The following ITPRID1 variants were observed in gnomAD, a reference collection of about 807,000 sequenced individuals.
The protein encoded by ITPRID1 is ITPR interacting domain containing 1.
In ITPRID1, 96 loss-of-function variants were observed where a neutral mutation model predicts 95.4. That is an observed-to-expected ratio of 1.01 (90% CI 0.85 to 1.19). ITPRID1 has a LOEUF of 1.19. ITPRID1 is among the 50% of genes most tolerant of loss of function. ITPRID1 has a pLI of 0.00. For missense variants in ITPRID1, 1,339 were observed against 1,252.9 expected, an observed-to-expected ratio of 1.07 and a Z score of -1.04; for synonymous variants, 510 against 453.6, an observed-to-expected ratio of 1.12 and a Z score of -1.58.
chr7:31,568,093 T>C (rs1052779029), intron 5 of ITPRID1, among the ~76,000 whole-genome samples: 24 of 149,956 alleles, frequency 1.6e-4, no homozygotes, highest in Non-Finnish European at 4.4e-5. Flanking sequence ...GACACTGCAC[T>C]CCAGGCTGGG....
intron 10 of ITPRID1, among the ~76,000 whole-genome samples, chr7:31,612,384 G>A (rs1458476391): frequency 1.3e-5 from 2 of 152,024 alleles, no homozygotes; most frequent in African/African-American, 2.4e-5. Flanking sequence ...TTTTGTGTGT[G>A]TGGGTCATTC....
At chr7:31,600,154 A>G (rs765921609) in intron 10 of ITPRID1, among the ~76,000 whole-genome samples, 2 of 152,246 alleles carry the variant, frequency 1.3e-5, no homozygotes, top group African/African-American at 2.4e-5. Flanking sequence ...TCTAAGAAAT[A>G]CAACTTAAAA....
chr7:31,612,658 A>T (rs1786928933), intron 10 of ITPRID1, among the ~76,000 whole-genome samples: 1 of 151,972 alleles, frequency 6.6e-6, no homozygotes. Flanking sequence ...TATGTCTACC[A>T]CCCTTTTCTG....
chr7:31,539,028 T>C (rs1481824929), intron 1 of ITPRID1, among the ~76,000 whole-genome samples: 2 of 152,232 alleles, frequency 1.3e-5, no homozygotes. Context: ...CATTTCTTTG[T>C]CACATTGAGT....
At chr7:31,618,886 C>G (rs1488023092) in intron 10 of ITPRID1, among the ~76,000 whole-genome samples, 1 of 152,138 alleles carries the variant, frequency 6.6e-6, no homozygotes, top group African/African-American at 2.4e-5. Flanking sequence ...TTGTTGTGCA[C>G]ATTGCATGTT....
At chr7:31,626,009 TTA>T (rs1406542900) in intron 10 of ITPRID1, among the ~76,000 whole-genome samples, 1 of 152,180 alleles carries the variant, frequency 6.6e-6, no homozygotes, top group Non-Finnish European at 1.5e-5. Context: ...TAAAAAAACT[TTA>T]TGACTAACTC....
In ITPRID1 at chr7:31,653,634, TTG is replaced by T. The variant is rs2128221756; in HGVS notation, c.*807_*808del. ...AGGTATTTAGCTTTTAAAAAAATCT[TTG>T]TAGCTATCTCATTTAGAAATAAAAT... On this transcript the variant is annotated 3_prime_UTR_variant, in exon 15 of 15. Transcript: ENST00000615280. The T allele has an allele frequency of 6.6e-6, 1 of 152,314 alleles. No homozygotes were observed. Among genetic ancestry groups the T allele is most frequent in the Admixed American group, 6.5e-5 (1 of 15,294 alleles). The allele number at this position is 152,314 out of a possible 1,614,324, so 9.4% of individuals were successfully genotyped here.
chr7:31,525,446 G>T (rs1454388674), intron 1 of ITPRID1, among the ~76,000 whole-genome samples: 1 of 152,164 alleles, frequency 6.6e-6, no homozygotes, highest in Admixed American at 6.5e-5. Flanking sequence ...ATTGCCAAAG[G>T]TCCCCTTGGG....
intron 10 of ITPRID1, among the ~76,000 whole-genome samples, chr7:31,629,716 G>T (rs1341802028): frequency 6.6e-6 from 1 of 152,126 alleles, no homozygotes; most frequent in Non-Finnish European, 1.5e-5. Context: ...GATAGTGGAG[G>T]TGCATAGTTG....
intron 12 of ITPRID1, among the ~76,000 whole-genome samples, chr7:31,645,597 T>C (rs10268085): frequency 0.78 from 118,102 of 151,966 alleles, 45,989 homozygotes; most frequent in East Asian, 0.83. Context: ...ATAACCATCA[T>C]CACCACCACC....
chr7:31,561,175 A>G (rs1784611210), intron 5 of ITPRID1, among the ~76,000 whole-genome samples: 1 of 152,224 alleles, frequency 6.6e-6, no homozygotes, highest in Non-Finnish European at 1.5e-5. Flanking sequence ...ATGATAGTAG[A>G]AGAATTGGAG....
intron 1 of ITPRID1, among the ~76,000 whole-genome samples, chr7:31,525,824 A>G (rs985248118): frequency 6.6e-6 from 1 of 152,214 alleles, no homozygotes; most frequent in African/African-American, 2.4e-5. Flanking sequence ...CATATTATCT[A>G]CTAAAGATTA....
chr7:31,650,084 G>A (rs1327186711), intron 12 of ITPRID1, among the ~76,000 whole-genome samples: 2 of 152,182 alleles, frequency 1.3e-5, no homozygotes, highest in Non-Finnish European at 2.9e-5. Context: ...TGCCCTCCTA[G>A]AGACCGGGGA....
chr7:31,557,395 T>A (rs748781795), intron 5 of ITPRID1, among the ~76,000 whole-genome samples: 2 of 152,072 alleles, frequency 1.3e-5, no homozygotes, highest in African/African-American at 2.4e-5. Flanking sequence ...ACATAGATAG[T>A]TGGGATAAGG....
intron 10 of ITPRID1, among the ~76,000 whole-genome samples, chr7:31,601,076 A>T (rs1235492056): frequency 6.6e-6 from 1 of 152,150 alleles, no homozygotes; most frequent in Non-Finnish European, 1.5e-5. Context: ...TGAAGATACA[A>T]ATAGAAGGAA....
intron 10 of ITPRID1, among the ~76,000 whole-genome samples, chr7:31,598,927 G>A (rs1786224256): frequency 6.6e-6 from 1 of 152,126 alleles, no homozygotes; most frequent in Non-Finnish European, 1.5e-5. Flanking sequence ...GTGTTGGTGA[G>A]GCTATGGAAA....
At chr7:31,515,713 C>T (rs13221697) in intron 1 of ITPRID1, among the ~76,000 whole-genome samples, 105,231 of 152,108 alleles carry the variant, frequency 0.69, 36,696 homozygotes, top group Middle Eastern at 0.76. Flanking sequence ...AGATTGAAAA[C>T]GTAGGGATAT....
At position 31,519,620 on chromosome 7, in the gene ITPRID1, C is replaced by CTCTCTCCATATATATATATA; in HGVS notation, c.-98+5501_-98+5502insCTCTCCATATATATATATAT. Among the ~76,000 whole-genome samples, 5 of 25,270 alleles carry CTCTCTCCATATATATATATA rather than the reference C, an allele frequency of 2.0e-4. 1 individual carries two copies. Among genetic ancestry groups the CTCTCTCCATATATATATATA allele is most frequent in the East Asian group, 6.0e-3 (2 of 334 alleles). The allele number at this position is 25,270 out of a possible 152,430, so 16.6% of individuals were successfully genotyped here. A position where few individuals can be genotyped will look rare whatever the true frequency, so the allele number is the denominator to read the frequency against. ...TCTCTCTCTCTCTCTCTCTCTCTCT[C>CTCTCTCCATATATATATATA]TATATATATATATATATATATATAT... On this transcript the variant is annotated intron_variant, in intron 1 of 14. Transcript: ENST00000615280.
At chr7:31,597,196 A>G (rs1786125446) in intron 10 of ITPRID1, among the ~76,000 whole-genome samples, 1 of 152,070 alleles carries the variant, frequency 6.6e-6, no homozygotes, top group South Asian at 2.1e-4. Flanking sequence ...TTCAATCTCA[A>G]CAGTAAAATC....
Sources: allele counts gnomAD v4.1 joint callset (sites outside exome capture counted in the v4.1 genomes callset), GRCh38; gene constraint gnomAD v4.1.1; transcripts MANE v1.5; gene names NCBI Gene and HGNC (gene_info 2026-07-23, HGNC 2026-07-21).